GRIN2A: variants seen among roughly 807,000 people sequenced by gnomAD.
GRIN2A encodes glutamate ionotropic receptor NMDA type subunit 2A.
Under a neutral mutation model 113.4 loss-of-function variants are expected in GRIN2A, and 22 were observed. The observed-to-expected ratio is 0.19, with a 90% CI of 0.14 to 0.28. GRIN2A has a LOEUF of 0.28. GRIN2A is among the 10% of genes least tolerant of loss of function. GRIN2A has a pLI of 1.00. For synonymous variants in GRIN2A, 827 were observed against 738.4 expected, an observed-to-expected ratio of 1.12 and a Z score of -1.94; for missense variants, 1,502 against 1,887.0, an observed-to-expected ratio of 0.80 and a Z score of 3.78.
intron 3 of GRIN2A, among the ~76,000 whole-genome samples, chr16:9,908,400 A>G (rs1028999123): frequency 7.3e-6 from 1 of 136,586 alleles, no homozygotes; most frequent in African/African-American, 3.0e-5. Flanking sequence ...AATGGTAAAA[A>G]GAATATAGCT....
intron 2 of GRIN2A, among the ~76,000 whole-genome samples, chr16:10,083,387 T>G (rs2048021127): frequency 6.6e-6 from 1 of 152,222 alleles, no homozygotes; most frequent in Non-Finnish European, 1.5e-5. Context: ...AAACTGTGCA[T>G]GGCTGGGTTT....
At chr16:10,085,221 A>T (rs2048063280) in intron 2 of GRIN2A, among the ~76,000 whole-genome samples, 1 of 152,204 alleles carries the variant, frequency 6.6e-6, no homozygotes, top group African/African-American at 2.4e-5. Flanking sequence ...TAAGCTGACC[A>T]TCTCGCAGGC....
At chr16:10,142,347 A>C (rs370632182) in intron 2 of GRIN2A, among the ~76,000 whole-genome samples, 2 of 152,328 alleles carry the variant, frequency 1.3e-5, no homozygotes, top group Admixed American at 6.5e-5. Flanking sequence ...AAAAAGACTA[A>C]GGCTCCATAC....
intron 10 of GRIN2A, among the ~76,000 whole-genome samples, chr16:9,816,205 A>T (rs1404775757): frequency 2.0e-4 from 31 of 152,338 alleles, no homozygotes; most frequent in Non-Finnish European, 7.4e-5. Context: ...GTACCACACG[A>T]TGAATGCATT....
chr16:10,157,395 T>C (rs906220955), intron 2 of GRIN2A, among the ~76,000 whole-genome samples: 1 of 152,256 alleles, frequency 6.6e-6, no homozygotes, highest in Non-Finnish European at 1.5e-5. Context: ...AACACCTTTC[T>C]AACACTTGCT....
In GRIN2A at chr16:9,871,406, A is replaced by G. The variant is rs866609632; in HGVS notation, c.1122+19580T>C. Among the ~76,000 whole-genome samples, 18 of 151,940 alleles carry G rather than the reference A, an allele frequency of 1.2e-4. No individual in the cohort carries two copies. In the South Asian group the frequency reaches 1.2e-3, roughly 11 times the overall value. On this transcript the variant is annotated intron_variant, in intron 4 of 12. Transcript: ENST00000330684. ...TTTGATAAAAGAGAACACTGTCAAT[A>G]GACTTTTAGAAATCCACTGAAAATG...
At chr16:9,981,628 A>G (rs954462177) in intron 2 of GRIN2A, among the ~76,000 whole-genome samples, 1 of 151,820 alleles carries the variant, frequency 6.6e-6, no homozygotes, top group African/African-American at 2.4e-5. Context: ...TACAAATATC[A>G]TCACAATACC....
chr16:9,972,621 T>C (rs181333916), intron 2 of GRIN2A, among the ~76,000 whole-genome samples: 30 of 152,254 alleles, frequency 2.0e-4, no homozygotes, highest in Admixed American at 2.0e-3. Flanking sequence ...AAATAAAGAA[T>C]TTACTGGATA....
chr16:9,799,836 C>T (rs189632066), intron 10 of GRIN2A, among the ~76,000 whole-genome samples: 39 of 152,228 alleles, frequency 2.6e-4, no homozygotes, highest in African/African-American at 8.9e-4. Flanking sequence ...TGAATTTTTA[C>T]ATATGTATAT....
Position 9,772,562 on chromosome 16 carries a change from G to A in GRIN2A, c.2357-3473C>T, listed in dbSNP as rs528330343. Among the ~76,000 whole-genome samples the A allele has an allele frequency of 3.9e-5, 6 of 152,220 alleles. No individual in the cohort carries two copies. The East Asian group carries it at 5.8e-4, about 15-fold the overall frequency. On this transcript the variant is annotated intron_variant, in intron 11 of 12. Coordinates refer to ENST00000330684, the MANE Select transcript of GRIN2A (RefSeq NM_001134407.3). ...AATTTTTTGTATTTTTAGTAGAGAC[G>A]AGGTTTCACCATCTTGCCCAGGCTG...
At chr16:9,820,202 G>C (rs563060187) in intron 10 of GRIN2A, among the ~76,000 whole-genome samples, 1 of 152,282 alleles carries the variant, frequency 6.6e-6, no homozygotes, top group East Asian at 1.9e-4. Context: ...TTGTGCTCTG[G>C]TTAATAAATG....
intron 2 of GRIN2A, among the ~76,000 whole-genome samples, chr16:9,969,541 T>C (rs9933159): frequency 0.37 from 56,832 of 152,012 alleles, 11,704 homozygotes; most frequent in African/African-American, 0.54. Context: ...TGGATGTTCA[T>C]GGTGCCCCAT....
chr16:9,808,707 C>T (rs1238402536), intron 10 of GRIN2A, among the ~76,000 whole-genome samples: 2 of 152,140 alleles, frequency 1.3e-5, no homozygotes, highest in Admixed American at 6.6e-5. Context: ...CCACTCTCTG[C>T]ACCAAGAGGC....
At chr16:9,811,357 A>C (rs1191341476) in intron 10 of GRIN2A, among the ~76,000 whole-genome samples, 1 of 152,166 alleles carries the variant, frequency 6.6e-6, no homozygotes, top group Admixed American at 6.5e-5. Flanking sequence ...TTCTGCCTGA[A>C]CTTCAGTGTC....
chr16:9,901,908 G>A (rs768814566), intron 3 of GRIN2A, among the ~76,000 whole-genome samples: 3 of 152,178 alleles, frequency 2.0e-5, no homozygotes, highest in Non-Finnish European at 4.4e-5. Context: ...GAGTAAGAGC[G>A]ATCACTTAAG....
chr16:9,920,282 G>C (rs2044334210), intron 3 of GRIN2A, among the ~76,000 whole-genome samples: 1 of 152,304 alleles, frequency 6.6e-6, no homozygotes, highest in Admixed American at 6.5e-5. Flanking sequence ...CCAGGAAATT[G>C]CTAGGTGAAC....
chr16:9,957,433 G>T (rs2045333468), intron 2 of GRIN2A, among the ~76,000 whole-genome samples: 1 of 152,170 alleles, frequency 6.6e-6, no homozygotes, highest in Non-Finnish European at 1.5e-5. Flanking sequence ...TTCAGTATTT[G>T]GGTCCTGATA....
chr16:9,963,343 C>T (rs1292304141), intron 2 of GRIN2A, among the ~76,000 whole-genome samples: 1 of 151,974 alleles, frequency 6.6e-6, no homozygotes, highest in African/African-American at 2.4e-5. Context: ...TATACACGTG[C>T]CATGGTGGTT....
chr16:9,886,946 G>C (rs974608495), intron 4 of GRIN2A, among the ~76,000 whole-genome samples: 1 of 152,158 alleles, frequency 6.6e-6, no homozygotes, highest in Non-Finnish European at 1.5e-5. Flanking sequence ...GAAGTGCAGT[G>C]GTGCGATCTC....
Sources: gnomAD v4.1 joint callset for allele counts (sites outside exome capture counted in the v4.1 genomes callset) on GRCh38, gnomAD v4.1.1 for gene constraint, MANE v1.5 for transcripts, NCBI Gene and HGNC (gene_info 2026-07-23, HGNC 2026-07-21) for gene names.